C6orf132: variants seen among roughly 807,000 people sequenced by gnomAD.
C6orf132 encodes the protein uncharacterized protein C6orf132.
A neutral mutation model predicts 65.3 loss-of-function variants in C6orf132; 43 were observed. The ratio of observed to expected loss-of-function variants is 0.66; its 90% CI spans 0.52 to 0.85. The LOEUF (loss-of-function observed/expected upper bound fraction) is 0.85. Ranked by LOEUF, C6orf132 falls within the 40% of genes least tolerant of loss-of-function variation. The pLI is 0.00. For synonymous variants in C6orf132, 631 were observed against 654.1 expected, an observed-to-expected ratio of 0.96 and a Z score of 0.54; for missense variants, 1,488 against 1,548.8, an observed-to-expected ratio of 0.96 and a Z score of 0.66.
chr6:42,115,341 T>C (rs1766549564), intron 2 of C6orf132, among the ~76,000 whole-genome samples: 1 of 146,718 alleles, frequency 6.8e-6, no homozygotes, highest in South Asian at 2.1e-4. Context: ...TGCCACTGAA[T>C]TGTACATTTT....
chr6:42,133,960 C>T (rs1766899165), intron 1 of C6orf132, among the ~76,000 whole-genome samples: 1 of 152,050 alleles, frequency 6.6e-6, no homozygotes, highest in African/African-American at 2.4e-5. Flanking sequence ...GAGACTTCAC[C>T]CCAGATTTCA....
chr6:42,118,459 C>A (rs1485919873), intron 2 of C6orf132, among the ~76,000 whole-genome samples: 1 of 152,186 alleles, frequency 6.6e-6, no homozygotes, highest in East Asian at 1.9e-4. Context: ...ACTTAGGAGC[C>A]CAGGGTGCTG....
At chr6:42,123,289 A>C (rs557963551) in intron 2 of C6orf132, among the ~76,000 whole-genome samples, 138 of 152,094 alleles carry the variant, frequency 9.1e-4, no homozygotes, top group African/African-American at 3.0e-3. Context: ...AGGCTGAGGC[A>C]GGAGAATGGC....
Position 42,128,317 on chromosome 6 carries a change from A to G in C6orf132, c.252+355T>C, listed in dbSNP as rs1424198544. Among the ~76,000 whole-genome samples, 3 of 152,176 alleles carry G rather than the reference A, an allele frequency of 2.0e-5. No homozygotes were observed. In the East Asian group the frequency reaches 5.8e-4, roughly 29 times the overall value. On this transcript the variant is annotated intron_variant, in intron 2 of 4. Coordinates refer to ENST00000341865, the MANE Select transcript of C6orf132 (RefSeq NM_001164446.3). ...TCCTTGAGAACAGCAAGGCTGGCCC[A>G]GTCATCTCTGTATCCAGCACCTAAT...
rs978723774 is a variant in C6orf132, at chr6:42,104,452, C to T, written c.3449+11G>A. On this transcript the variant is annotated intron_variant, in intron 4 of 4. Transcript: ENST00000341865. The surrounding 1 kb of genome is among the most constrained non-coding windows in gnomAD (Gnocchi z 4.1). ...TCCTGGCTTCCCGCACCAGCCGGGC[C>T]CGCAGCTCACCTGCCGGCAGCTGGG... 3 of 1,230,538 alleles carry T rather than the reference C, an allele frequency of 2.4e-6. No homozygotes were observed. In the Admixed American group the frequency reaches 1.3e-4, roughly 52 times the overall value. The allele number at this position is 1,230,538 out of a possible 1,614,324, so 76.2% of individuals were successfully genotyped here.
intron 2 of C6orf132, among the ~76,000 whole-genome samples, chr6:42,111,081 T>C (rs1295212368): frequency 6.6e-6 from 1 of 152,134 alleles, no homozygotes; most frequent in African/African-American, 2.4e-5. Context: ...GTTCTTAGTT[T>C]TCATTAGGTG....
intron 1 of C6orf132, among the ~76,000 whole-genome samples, chr6:42,134,444 CT>C (rs1477380167): frequency 6.6e-6 from 1 of 152,128 alleles, no homozygotes; most frequent in Non-Finnish European, 1.5e-5. Flanking sequence ...TTTTGGGAGG[CT>C]GAGGCAGGAG....
At chr6:42,131,444 T>G (rs2127479015) in intron 1 of C6orf132, among the ~76,000 whole-genome samples, 1 of 152,354 alleles carries the variant, frequency 6.6e-6, no homozygotes, top group East Asian at 1.9e-4. Context: ...ATGAGGAAAC[T>G]GAGGCACAAG....
Position 42,106,931 on chromosome 6 carries a change from T to G in C6orf132, c.981A>C (p.Glu327Asp). The change falls in exon 4 of 5, where the codon GAA (glutamate) becomes GAC (aspartate). Residue 327 changes from glutamate (E) to aspartate (D), a missense_variant. Physicochemically the swap from Glu to Asp is conservative, Grantham distance 45. Coordinates refer to ENST00000341865, the MANE Select transcript of C6orf132 (RefSeq NM_001164446.3). ...TGGGAGCCTTCTTGGTGGCCCCCTC[T>G]TCCTTTCGGGGAGCCTCTTGTGCTT... ...VQEAQEAPRKEEGATKKAPSR... is the reference protein window; with the variant it reads ...VQEAQEAPRKDEGATKKAPSR... 1 of 1,536,190 alleles carries G rather than the reference T, an allele frequency of 6.5e-7. No individual in the cohort carries two copies. The highest frequency in any genetic ancestry group is 8.7e-7 in the Non-Finnish European group (1 of 1,146,484).
intron 2 of C6orf132, among the ~76,000 whole-genome samples, chr6:42,120,144 T>G (rs147013924): frequency 2.6e-5 from 4 of 152,060 alleles, no homozygotes; most frequent in African/African-American, 9.6e-5. Flanking sequence ...CCTAGTATAT[T>G]GGAAAGTTCC....
chr6:42,117,248 A>G (rs1766597760), intron 2 of C6orf132, among the ~76,000 whole-genome samples: 1 of 152,214 alleles, frequency 6.6e-6, no homozygotes, highest in Non-Finnish European at 1.5e-5. Context: ...TACTTCACAT[A>G]TAGCAACCCA....
At chr6:42,125,469 A>T (rs1056437538) in intron 2 of C6orf132, among the ~76,000 whole-genome samples, 3 of 152,102 alleles carry the variant, frequency 2.0e-5, no homozygotes, top group Non-Finnish European at 4.4e-5. Context: ...GTGCCACTGG[A>T]TGGGGTTGGC....
intron 1 of C6orf132, among the ~76,000 whole-genome samples, chr6:42,142,049 G>A (rs1428747346): frequency 6.6e-6 from 1 of 152,052 alleles, no homozygotes; most frequent in African/African-American, 2.4e-5. Context: ...GGTCAGAGGT[G>A]GGGGCGGCAA....
chr6:42,107,415 G>T lies in C6orf132; in HGVS notation c.497C>A (p.Pro166Gln). Residue 166 changes from proline to glutamine, a missense_variant, in exon 4 of 5, where the codon CCA becomes CAA. Coordinates refer to ENST00000341865, the MANE Select transcript of C6orf132 (RefSeq NM_001164446.3). ...EPPGGSPLPS[P>Q]PSTAPPPPPL... ...AGGTGGTGGGGGTGCTGTGGAAGGT[G>T]GAGATGGCAGTGGCGACCCCCCTGG... The T allele has an allele frequency of 6.7e-7, 1 of 1,502,106 alleles. No homozygotes were observed. The highest frequency in any genetic ancestry group is 9.0e-7 in the Non-Finnish European group (1 of 1,116,764). The allele number at this position is 1,502,106 out of a possible 1,614,324, so 93.0% of individuals were successfully genotyped here. A position where few individuals can be genotyped will look rare whatever the true frequency, so the allele number is the denominator to read the frequency against.
Position 42,107,336 on chromosome 6 carries a change from T to C in C6orf132, c.576A>G (p.Pro192=). ...GTGGTGGGGATAGGGCCTCCAATAC[T>C]GGGGGTGGAGGTGGGGCCATGCTGG... is the stretch of plus-strand genomic sequence containing the variant. The part of the protein sequence containing the change: ...PPPSMAPPPP[P]VLEALSPPHT... Residue 192 remains proline (P), a synonymous_variant, in exon 4 of 5, where the codon CCA becomes CCG. Transcript: ENST00000341865. The C allele has an allele frequency of 1.6e-6, 1 of 612,126 alleles. No individual in the cohort carries two copies. Among genetic ancestry groups the C allele is most frequent in the Admixed American group, 7.6e-5 (1 of 13,224 alleles). The allele number at this position is 612,126 out of a possible 1,614,324, so 37.9% of individuals were successfully genotyped here. A position where few individuals can be genotyped will look rare whatever the true frequency, so the allele number is the denominator to read the frequency against.
chr6:42,142,553 C>T lies in C6orf132; in HGVS notation c.-109G>A. The stretch of plus-strand genomic sequence containing the variant: ...CCCAGGGGACTCTACCAGGCCATGT[C>T]CCCCGCCGTCCTCCCCGCCCGCGCA... On this transcript the variant is annotated 5_prime_UTR_variant, in exon 1 of 5. Transcript: ENST00000341865. The T allele has an allele frequency of 1.8e-6, 2 of 1,106,992 alleles. No homozygotes were observed. The highest frequency in any genetic ancestry group is 4.7e-5 in the South Asian group (2 of 42,848). 68.6% of individuals were successfully genotyped at this position (1,106,992 alleles called of 1,614,324 possible).
At chr6:42,115,119 A>G (rs1582273684) in intron 2 of C6orf132, among the ~76,000 whole-genome samples, 1 of 150,618 alleles carries the variant, frequency 6.6e-6, no homozygotes, top group East Asian at 2.0e-4. Context: ...GTGAAATCCC[A>G]TCTGTACTAA....
chr6:42,111,168 A>C (rs1159142075), intron 2 of C6orf132, among the ~76,000 whole-genome samples: 1 of 152,014 alleles, frequency 6.6e-6, no homozygotes, highest in Admixed American at 6.6e-5. Flanking sequence ...CTGTCACCTA[A>C]GCTGGAGTGC....
Position 42,104,627 on chromosome 6 carries a change from C to T in C6orf132, c.3285G>A (p.Gln1095=). 1 of 1,392,510 alleles carries T rather than the reference C, an allele frequency of 7.2e-7. No individual in the cohort carries two copies. The highest frequency in any genetic ancestry group is 9.3e-7 in the Non-Finnish European group (1 of 1,079,556). 86.3% of individuals were successfully genotyped at this position (1,392,510 alleles called of 1,614,324 possible). A position where few individuals can be genotyped will look rare whatever the true frequency, so the allele number is the denominator to read the frequency against. Residue 1095 remains glutamine (Q), a synonymous_variant, in exon 4 of 5, where the codon CAG becomes CAA. Coordinates refer to ENST00000341865, the MANE Select transcript of C6orf132 (RefSeq NM_001164446.3). This position sits in a 1 kb window ranked among gnomAD's most constrained non-coding sequence, Gnocchi z 4.1. ...SLSSPNCFGP[Q]PGGPEMRRVN... is the part of the protein sequence containing the mutation. ...CGCGCCGCATCTCGGGGCCTCCGGG[C>T]TGCGGCCCGAAGCAGTTGGGAGAGC...
Sources: gnomAD v4.1 joint callset for allele counts (sites outside exome capture counted in the v4.1 genomes callset) on GRCh38, gnomAD v4.1.1 for gene constraint, Gnocchi (gnomAD v3.1) non-coding constraint, MANE v1.5 for transcripts, NCBI Gene and HGNC (gene_info 2026-07-23, HGNC 2026-07-21) for gene names.